Variants in IGF1R observed in about 807,000 individuals in gnomAD.
The protein encoded by IGF1R is insulin-like growth factor 1 receptor.
In IGF1R, 44 loss-of-function variants were observed where a neutral mutation model predicts 144.6. The ratio of observed to expected loss-of-function variants is 0.30; its 90% confidence interval spans 0.24 to 0.39. IGF1R has a LOEUF of 0.39. Among genes scored for constraint, IGF1R ranks in the 10% least tolerant of loss-of-function variants. The pLI, the probability that IGF1R is intolerant of heterozygous loss-of-function variation, is 1.00. For missense variants in IGF1R, 1,355 were observed against 1,833.7 expected, an observed-to-expected ratio of 0.74 and a Z score of 4.77; for synonymous variants, 795 against 722.8, an observed-to-expected ratio of 1.10 and a Z score of -1.60.
rs180883585 is a variant in IGF1R, at chr15:98,921,588, C to T, written c.2202-560C>T. 9.2e-5 allele frequency among the ~76,000 whole-genome samples: 14 copies of T among 152,008 alleles called. No homozygotes were observed. The East Asian group carries it at 2.7e-3, about 30-fold the overall frequency. The stretch of plus-strand genomic sequence containing the variant: ...GGGGTGGGCTCGCAGCAGGAGCCCC[C>T]AAGAAGAGAGAGCCCTGGGGTCCGT... On this transcript the variant is annotated intron_variant, in intron 10 of 20. Coordinates refer to ENST00000650285, the MANE Select transcript of IGF1R (RefSeq NM_000875.5).
intron 2 of IGF1R, among the ~76,000 whole-genome samples, chr15:98,736,610 C>CT (rs1321651793): frequency 0.019 from 2,696 of 138,956 alleles, 78 homozygotes; most frequent in Middle Eastern, 0.058. Context: ...TTTCTTTTTT[C>CT]TTTTTTCTTT....
At chr15:98,738,797 C>T (rs748718262) in intron 2 of IGF1R, among the ~76,000 whole-genome samples, 1 of 152,196 alleles carries the variant, frequency 6.6e-6, no homozygotes, top group Non-Finnish European at 1.5e-5. Flanking sequence ...CCCCAGTGTA[C>T]TCACTGGATT....
intron 2 of IGF1R, among the ~76,000 whole-genome samples, chr15:98,709,341 C>A (rs192220355): frequency 6.6e-6 from 1 of 152,204 alleles, no homozygotes; most frequent in African/African-American, 2.4e-5. Context: ...TGATCTGCCA[C>A]GCACTTTTCT....
rs544140326 is a variant in IGF1R, at chr15:98,797,297, C to T, written c.640+89190C>T. Among the ~76,000 whole-genome samples the T allele has an allele frequency of 3.9e-5, 6 of 152,340 alleles. No homozygotes were observed. The South Asian group carries it at 1.2e-3, about 32-fold the overall frequency. On this transcript the variant is annotated intron_variant, in intron 2 of 20. Coordinates refer to ENST00000650285, the MANE Select transcript of IGF1R (RefSeq NM_000875.5). ...CTGCAGCCCGAGCCCCGTTTTAGAG[C>T]TGTGTCTCCCAGGCAGCTGTGATGA...
intron 5 of IGF1R, among the ~76,000 whole-genome samples, chr15:98,904,713 A>G (rs564643983): frequency 6.6e-6 from 1 of 152,344 alleles, no homozygotes; most frequent in African/African-American, 2.4e-5. Context: ...GAAGGAAGGA[A>G]CTGGAATGAT....
intron 1 of IGF1R, among the ~76,000 whole-genome samples, chr15:98,660,915 CG>C: frequency 6.6e-6 from 1 of 152,248 alleles, no homozygotes; most frequent in African/African-American, 2.4e-5. Flanking sequence ...AGGCTGGACT[CG>C]GCTGCCTGGT....
At position 98,961,332 on chromosome 15, in the gene IGF1R, TGTAG is replaced by T. The variant is rs2017218004; in HGVS notation, c.*3895_*3898del. 2 of 233,488 alleles carry T rather than the reference TGTAG, an allele frequency of 8.6e-6. No homozygotes were observed. The highest frequency in any genetic ancestry group is 4.4e-5 in the African/African-American group (2 of 45,352). The allele number at this position is 233,488 out of a possible 1,614,324, so 14.5% of individuals were successfully genotyped here. A position where few individuals can be genotyped will look rare whatever the true frequency, so the allele number is the denominator to read the frequency against. ...CTGATGTCATTTTGTTTTTGTTTTA[TGTAG>T]GTAGCTTTTAAGTAGAAAACACTAA... On this transcript the variant is annotated 3_prime_UTR_variant, in exon 21 of 21. Transcript: ENST00000650285.
intron 3 of IGF1R, among the ~76,000 whole-genome samples, chr15:98,892,877 C>T (rs1195116329): frequency 1.3e-5 from 2 of 152,028 alleles, no homozygotes; most frequent in East Asian, 3.9e-4. Flanking sequence ...ATTAGTTTGG[C>T]TTGGTGGCAC....
At chr15:98,743,003 C>T (rs951786639) in intron 2 of IGF1R, among the ~76,000 whole-genome samples, 5 of 152,194 alleles carry the variant, frequency 3.3e-5, no homozygotes, top group African/African-American at 9.7e-5. Flanking sequence ...TGTCATTGCA[C>T]TCCAGCGAGT....
chr15:98,728,007 G>GTTTTTTT (rs10680958), intron 2 of IGF1R, among the ~76,000 whole-genome samples: 8 of 108,748 alleles, frequency 7.4e-5, no homozygotes, highest in Admixed American at 2.1e-4. Context: ...AAGATGCATT[G>GTTTTTTT]TTTTTTTTTT....
At chr15:98,956,195 T>G (rs1342747150) in intron 20 of IGF1R, among the ~76,000 whole-genome samples, 1 of 152,238 alleles carries the variant, frequency 6.6e-6, no homozygotes, top group Non-Finnish European at 1.5e-5. Flanking sequence ...AGGACTCCCT[T>G]TGCTCCATGT....
In IGF1R at chr15:98,960,698, AAG is replaced by A. The variant is rs1405331664; in HGVS notation, c.*3259_*3260del. The A allele has an allele frequency of 4.3e-6, 1 of 233,316 alleles. No individual in the cohort carries two copies. Among genetic ancestry groups the A allele is most frequent in the Non-Finnish European group, 8.5e-6 (1 of 118,164 alleles). 14.5% of individuals were successfully genotyped at this position (233,316 alleles called of 1,614,324 possible). ...GCAGCTGCAGCAGCAGCTGGAGAGC[AAG>A]AGTCACCCAGCCTGTGCGCCAGAAT... On this transcript the variant is annotated 3_prime_UTR_variant, in exon 21 of 21. Transcript: ENST00000650285.
rs56121011 is a variant in IGF1R at position 98,755,718 on chromosome 15, C to CAAAAAAAAAAAAAA, written c.640+47633_640+47646dup. On this transcript the variant is annotated intron_variant, in intron 2 of 20. Transcript: ENST00000650285. ...TGAATGACAGAGCAAAACTCCATTGCAAAAAAAAAAAAAAAAAAAAAAAAA... is the reference window on the plus strand; with the variant it reads ...TGAATGACAGAGCAAAACTCCATTGCAAAAAAAAAAAAAAAAAAAAAAAAAAAAAAAAAAAAAAA... 1.4e-4 allele frequency among the ~76,000 whole-genome samples: 5 copies of CAAAAAAAAAAAAAA among 34,504 alleles called. 1 individual carries two copies. The highest frequency in any genetic ancestry group is 7.8e-4 in the African/African-American group (5 of 6,448). 22.6% of individuals were successfully genotyped at this position (34,504 alleles called of 152,430 possible).
chr15:98,799,017 T>G (rs964814920), intron 2 of IGF1R, among the ~76,000 whole-genome samples: 5 of 152,146 alleles, frequency 3.3e-5, no homozygotes, highest in African/African-American at 9.7e-5. Context: ...CAGAATTATG[T>G]GTGTCCTGGT....
chr15:98,927,105 A>G (rs1295812019), intron 13 of IGF1R, among the ~76,000 whole-genome samples: 3 of 152,172 alleles, frequency 2.0e-5, no homozygotes, highest in South Asian at 4.1e-4. Flanking sequence ...TTGCTGCTCC[A>G]TTTTTAACCT....
chr15:98,788,046 CT>C (rs2056039580), intron 2 of IGF1R, among the ~76,000 whole-genome samples: 3 of 140,082 alleles, frequency 2.1e-5, no homozygotes, highest in Middle Eastern at 3.5e-3. Context: ...CTCTCTCTCT[CT>C]CTCTCTCTCT....
chr15:98,925,928 A>G (rs2015699096), intron 13 of IGF1R, among the ~76,000 whole-genome samples: 1 of 152,040 alleles, frequency 6.6e-6, no homozygotes, highest in South Asian at 2.1e-4. Flanking sequence ...AAAACAAAAA[A>G]CAGCGCACTC....
chr15:98,848,966 A>G (rs1393327061), intron 2 of IGF1R, among the ~76,000 whole-genome samples: 2 of 152,368 alleles, frequency 1.3e-5, no homozygotes, highest in Middle Eastern at 3.4e-3. Flanking sequence ...TTAGACAGGA[A>G]TAATCATCAT....
Position 98,957,551 on chromosome 15 carries a change from G to A in IGF1R, c.*109G>A, listed in dbSNP as rs2017055491. On this transcript the variant is annotated 3_prime_UTR_variant, in exon 21 of 21. Transcript: ENST00000650285. ...TTCACAAGCCTCCTGTACCTCAGTGGATCTTCAGAACTGCCCTTGCTGCCC... is the reference window on the plus strand; with the variant it reads ...TTCACAAGCCTCCTGTACCTCAGTGAATCTTCAGAACTGCCCTTGCTGCCC... 2 of 1,427,924 alleles carry A rather than the reference G, an allele frequency of 1.4e-6. No homozygotes were observed. The highest frequency in any genetic ancestry group is 2.0e-6 in the Non-Finnish European group (2 of 1,025,564). The allele number at this position is 1,427,924 out of a possible 1,614,324, so 88.5% of individuals were successfully genotyped here.
Sources: gnomAD v4.1 joint callset for allele counts (sites outside exome capture counted in the v4.1 genomes callset) on GRCh38, gnomAD v4.1.1 for gene constraint, MANE v1.5 for transcripts, NCBI Gene and HGNC (gene_info 2026-07-23, HGNC 2026-07-21) for gene names.